The following LINGO2 variants were observed in gnomAD, a reference collection of about 807,000 sequenced individuals.
The protein encoded by LINGO2 is leucine-rich repeat and immunoglobulin-like domain-containing nogo receptor-interacting protein 2.
Under a neutral mutation model 30.6 loss-of-function variants are expected in LINGO2, and 14 were observed. The observed-to-expected ratio is 0.46, with a 90% CI of 0.30 to 0.72. The LOEUF (loss-of-function observed/expected upper bound fraction) is 0.72. Ranked by LOEUF, LINGO2 falls within the 30% of genes least tolerant of loss-of-function variation. The pLI, the probability that LINGO2 is intolerant of heterozygous loss-of-function variation, is 0.07. For missense variants in LINGO2, 729 were observed against 751.7 expected (o/e 0.97, Z 0.35); for synonymous variants, 317 against 288.5 (o/e 1.10, Z -1.00).
At chr9:28,585,935 C>T (rs1824513150) in intron 1 of LINGO2, among the ~76,000 whole-genome samples, 1 of 152,110 alleles carries the variant, frequency 6.6e-6, no homozygotes, top group South Asian at 2.1e-4. Flanking sequence ...TCCACAGTGG[C>T]ACTAATGGCC....
the LINGO2 span, among the ~76,000 whole-genome samples, chr9:28,884,936 T>G: frequency 5.5e-4 from 4 of 7,322 alleles, no homozygotes; most frequent in Non-Finnish European, 1.1e-3. Flanking sequence ...TAATATTATA[T>G]ATAATATATA....
chr9:28,624,386 A>G (rs1826557568), intron 1 of LINGO2, among the ~76,000 whole-genome samples: 1 of 151,936 alleles, frequency 6.6e-6, no homozygotes, highest in Non-Finnish European at 1.5e-5. Flanking sequence ...TCAAGAAGAA[A>G]TGTTGAATTT....
At chr9:28,105,734 C>T (rs1164307885) in intron 4 of LINGO2, among the ~76,000 whole-genome samples, 1 of 152,060 alleles carries the variant, frequency 6.6e-6, no homozygotes, top group African/African-American at 2.4e-5. Context: ...CTCTCTCTCT[C>T]TCTCTTTCTC....
chr9:28,642,091 A>C (rs1181605524), intron 1 of LINGO2, among the ~76,000 whole-genome samples: 1 of 151,550 alleles, frequency 6.6e-6, no homozygotes, highest in African/African-American at 2.4e-5. Flanking sequence ...ATGTGTGTGC[A>C]TATAAAAATA....
the LINGO2 span, among the ~76,000 whole-genome samples, chr9:28,905,759 A>T: frequency 6.6e-6 from 1 of 152,036 alleles, no homozygotes; most frequent in Non-Finnish European, 1.5e-5. Context: ...AAAATTTTTC[A>T]AACAGTCAAA....
the LINGO2 span, among the ~76,000 whole-genome samples, chr9:28,925,540 C>T: frequency 2.0e-5 from 3 of 152,172 alleles, no homozygotes; most frequent in Non-Finnish European, 2.9e-5. Context: ...TCATGACTTC[C>T]CTGGGGAAGG....
chr9:28,091,640 G>C (rs1453261411), intron 4 of LINGO2, among the ~76,000 whole-genome samples: 1 of 152,096 alleles, frequency 6.6e-6, no homozygotes, highest in Non-Finnish European at 1.5e-5. Flanking sequence ...ATAGACATGG[G>C]CAAGGACTTC....
At chr9:28,484,459 G>A (rs964988147) in intron 1 of LINGO2, among the ~76,000 whole-genome samples, 1 of 152,072 alleles carries the variant, frequency 6.6e-6, no homozygotes, top group Admixed American at 6.6e-5. Context: ...ATTGAAGGAA[G>A]TTATCACTGC....
chr9:28,156,986 CT>C (rs924990519), intron 4 of LINGO2, among the ~76,000 whole-genome samples: 2 of 152,326 alleles, frequency 1.3e-5, no homozygotes, highest in African/African-American at 4.8e-5. Flanking sequence ...TTGAGTGTGG[CT>C]TTTCCAGGTG....
chr9:28,615,774 T>TG (rs1826107461), intron 1 of LINGO2, among the ~76,000 whole-genome samples: 1 of 152,132 alleles, frequency 6.6e-6, no homozygotes, highest in Non-Finnish European at 1.5e-5. Flanking sequence ...TGGGACAGTT[T>TG]GGGGGCATAT....
At chr9:28,224,719 C>T (rs1821087617) in intron 4 of LINGO2, among the ~76,000 whole-genome samples, 1 of 152,190 alleles carries the variant, frequency 6.6e-6, no homozygotes, top group Non-Finnish European at 1.5e-5. Context: ...TGAAATATAG[C>T]TTTTAATCCC....
chr9:29,159,326 T>C, the LINGO2 span, among the ~76,000 whole-genome samples: 1 of 152,190 alleles, frequency 6.6e-6, no homozygotes, highest in African/African-American at 2.4e-5. Context: ...CCAAAGTAGG[T>C]ATTCTAGGTA....
At chr9:28,884,128 G>A in the LINGO2 span, among the ~76,000 whole-genome samples, 1 of 151,962 alleles carries the variant, frequency 6.6e-6, no homozygotes, top group Non-Finnish European at 1.5e-5. Context: ...AATACTCAAC[G>A]AAAATTAGTT....
chr9:29,064,682 ATAT>A, the LINGO2 span, among the ~76,000 whole-genome samples: 3 of 152,168 alleles, frequency 2.0e-5, no homozygotes, highest in South Asian at 4.1e-4. Flanking sequence ...TACAGTTATG[ATAT>A]TATGCTTTTT....
At chr9:28,907,601 A>C in the LINGO2 span, among the ~76,000 whole-genome samples, 2 of 151,836 alleles carry the variant, frequency 1.3e-5, no homozygotes, top group African/African-American at 4.8e-5. Context: ...CTCTGAAAGA[A>C]ATATACAAGA....
At chr9:28,269,372 A>C (rs1822862875) in intron 4 of LINGO2, among the ~76,000 whole-genome samples, 1 of 152,098 alleles carries the variant, frequency 6.6e-6, no homozygotes, top group South Asian at 2.1e-4. Flanking sequence ...AGGGAACATT[A>C]AGTTTTCTGT....
intron 5 of LINGO2, among the ~76,000 whole-genome samples, chr9:27,998,772 T>C (rs1414345394): frequency 6.6e-6 from 1 of 151,956 alleles, no homozygotes; most frequent in Non-Finnish European, 1.5e-5. Context: ...TCCTGGGTGA[T>C]AGAGGGAGAC....
chr9:29,117,097 G>A, the LINGO2 span, among the ~76,000 whole-genome samples: 1 of 152,136 alleles, frequency 6.6e-6, no homozygotes, highest in African/African-American at 2.4e-5. Flanking sequence ...AAAGTGGTAT[G>A]GCATCTGGCA....
chr9:28,476,434 C>T (rs1322915331), intron 1 of LINGO2, among the ~76,000 whole-genome samples: 2 of 152,108 alleles, frequency 1.3e-5, no homozygotes, highest in Non-Finnish European at 2.9e-5. Context: ...CGCCACCACG[C>T]CCGGCTAATT....
Sources: allele counts gnomAD v4.1 joint callset (sites outside exome capture counted in the v4.1 genomes callset), GRCh38; gene constraint gnomAD v4.1.1; transcripts MANE v1.5; gene names NCBI Gene and HGNC (gene_info 2026-07-23, HGNC 2026-07-21).